Variants in LCN2 observed in about 807,000 individuals in gnomAD.
LCN2 encodes neutrophil gelatinase-associated lipocalin.
LCN2 carries 27 observed loss-of-function variants against 26.4 expected under a neutral mutation model. That is an observed-to-expected ratio of 1.02 (90% CI 0.76 to 1.41). The LOEUF (loss-of-function observed/expected upper bound fraction) is 1.41, where lower values mean the gene tolerates loss of function less well. Ranked by LOEUF, LCN2 falls within the 40% of genes most tolerant of loss-of-function variation. The probability of loss-of-function intolerance (pLI) is 0.00; values close to 1 mark genes in which losing one functional copy is unlikely to be tolerated. For missense variants in LCN2, 224 were observed against 237.6 expected (o/e 0.94, Z 0.38); for synonymous variants, 94 against 98.9 (o/e 0.95, Z 0.30).
At chr9:128,152,520 C>T (rs961946484) in intron 5 of LCN2, among the ~76,000 whole-genome samples, 5 of 152,176 alleles carry the variant, frequency 3.3e-5, no homozygotes, top group Admixed American at 1.3e-4. Context: ...CAGTTTAGCC[C>T]GGGTCTGCCC....
Position 128,149,782 on chromosome 9 carries a change from G to T in LCN2, c.138+119G>T, listed in dbSNP as rs1413143640. 3.2e-6 allele frequency: 4 copies of T among 1,254,806 alleles called. No individual in the cohort carries two copies. In the East Asian group the frequency reaches 7.3e-5, roughly 23 times the overall value. 77.7% of individuals were successfully genotyped at this position (1,254,806 alleles called of 1,614,324 possible). A position where few individuals can be genotyped will look rare whatever the true frequency, so the allele number is the denominator to read the frequency against. On this transcript the variant is annotated intron_variant, in intron 1 of 6. Transcript: ENST00000277480. ...CAGGACTCTAGGAGTCCAGGGTCCA[G>T]GTTTCAGCTCACTCTGTGCCACCAG...
chr9:128,150,562 G>A, intron 2 of LCN2, 188 bp downstream of exon 2: 1 of 768,250 alleles, frequency 1.3e-6, no homozygotes, highest in Non-Finnish European at 2.3e-6. Context: ...CAGTGGTGGG[G>A]ATGGACATGC....
Position 128,151,734 on chromosome 9 carries a change from G to C in LCN2, c.355+17G>C. The C allele has an allele frequency of 1.9e-6, 3 of 1,612,112 alleles. No individual in the cohort carries two copies. Among genetic ancestry groups the C allele is most frequent in the Non-Finnish European group, 2.5e-6 (3 of 1,178,218 alleles). ...ACATTAAGAGTGAGTCTTGAGTGAG[G>C]TGGGGCACTGAGTTGGGGCTCCGGG... On this transcript the variant is annotated intron_variant, in intron 3 of 6. Coordinates refer to ENST00000277480, the MANE Select transcript of LCN2 (RefSeq NM_005564.5).
Position 128,153,206 on chromosome 9 carries a change from C to T in LCN2, c.*7+80C>T. On this transcript the variant is annotated intron_variant, in intron 6 of 6. Transcript: ENST00000277480. The surrounding 1 kb of genome is among the most constrained non-coding windows in gnomAD (Gnocchi z 5.4). ...GCTGGGGGTCTTGGGCCTGCCTTTG[C>T]TCATCCCCCTGCCCCCCAGCACTGC... 2.6e-6 allele frequency: 4 copies of T among 1,531,256 alleles called. No homozygotes were observed. The East Asian group carries it at 6.7e-5, about 26-fold the overall frequency. The allele number at this position is 1,531,256 out of a possible 1,614,324, so 94.9% of individuals were successfully genotyped here. A position where few individuals can be genotyped will look rare whatever the true frequency, so the allele number is the denominator to read the frequency against.
At chr9:128,151,787 G>GT in intron 3 of LCN2, 70 bp downstream of exon 3, 1 of 1,587,396 alleles carries the variant, frequency 6.3e-7, no homozygotes, top group Non-Finnish European at 8.6e-7. Context: ...AGACCTTCCT[G>GT]CCCCTCCACA....
Position 128,153,210 on chromosome 9 carries a change from T to TC in LCN2, c.*7+89dup. 6.6e-7 allele frequency: 1 copy of TC among 1,512,020 alleles called. No homozygotes were observed. The highest frequency in any genetic ancestry group is 9.2e-7 in the Non-Finnish European group (1 of 1,090,854). The allele number at this position is 1,512,020 out of a possible 1,614,324, so 93.7% of individuals were successfully genotyped here. On this transcript the variant is annotated intron_variant, in intron 6 of 6. Coordinates refer to ENST00000277480, the MANE Select transcript of LCN2 (RefSeq NM_005564.5). This position sits in a 1 kb window ranked among gnomAD's most constrained non-coding sequence, Gnocchi z 5.4. The stretch of plus-strand genomic sequence containing the variant: ...GGGGTCTTGGGCCTGCCTTTGCTCA[T>TC]CCCCCTGCCCCCCAGCACTGCTGCT...
Position 128,149,883 on chromosome 9 carries a change from C to G in LCN2, c.138+220C>G, listed in dbSNP as rs543273197. Among the ~76,000 whole-genome samples the G allele has an allele frequency of 1.1e-4, 16 of 149,140 alleles. 1 individual carries two copies. Among genetic ancestry groups the G allele is most frequent in the Admixed American group, 8.7e-4 (13 of 14,868 alleles). ...GCCTGAACAGACTCCCCCAGGTCCA[C>G]ATCCCCTCTCCCATAACCCCCATTG... is the stretch of plus-strand genomic sequence containing the variant. On this transcript the variant is annotated intron_variant, in intron 1 of 6. Coordinates refer to ENST00000277480, the MANE Select transcript of LCN2 (RefSeq NM_005564.5).
rs775202523 is a variant in LCN2, at chr9:128,150,400, G to A, written c.275+26G>A. ...GTGAGGGCCGACATCTCCTGGGGGTGTGAGAGTCAGACTGACGTCACAGGC... is the reference window on the plus strand; with the variant it reads ...GTGAGGGCCGACATCTCCTGGGGGTATGAGAGTCAGACTGACGTCACAGGC... On this transcript the variant is annotated intron_variant, in intron 2 of 6. Coordinates refer to ENST00000277480, the MANE Select transcript of LCN2 (RefSeq NM_005564.5). 3.7e-6 allele frequency: 6 copies of A among 1,614,080 alleles called. No individual in the cohort carries two copies. The Admixed American group carries it at 8.3e-5, about 22-fold the overall frequency.
At position 128,153,039 on chromosome 9, in the gene LCN2, C is replaced by T. The variant is rs992526084; in HGVS notation, c.578-61C>T. ...ACCTGGCAGTCAGGGATCACACACA[C>T]ACACTCATACACGCACACACACACA... On this transcript the variant is annotated intron_variant, in intron 5 of 6. Transcript: ENST00000277480. This position sits in a 1 kb window ranked among gnomAD's most constrained non-coding sequence, Gnocchi z 5.4. The T allele has an allele frequency of 1.9e-6, 3 of 1,612,476 alleles. No homozygotes were observed. The African/African-American group carries it at 4.0e-5, about 22-fold the overall frequency.
rs558657039 is a variant in LCN2 at position 128,149,775 on chromosome 9, G to T, written c.138+112G>T. 5.6e-5 allele frequency: 76 copies of T among 1,357,424 alleles called. 1 individual carries two copies. In the African/African-American group the frequency reaches 8.1e-4, roughly 14 times the overall value. The allele number at this position is 1,357,424 out of a possible 1,614,324, so 84.1% of individuals were successfully genotyped here. ...CGTTGGGCAGGACTCTAGGAGTCCAGGGTCCAGGTTTCAGCTCACTCTGTG... is the reference window on the plus strand; with the variant it reads ...CGTTGGGCAGGACTCTAGGAGTCCATGGTCCAGGTTTCAGCTCACTCTGTG... On this transcript the variant is annotated intron_variant, in intron 1 of 6. Transcript: ENST00000277480.
In LCN2 at chr9:128,151,425, A is replaced by T. The variant is rs534693170; in HGVS notation, c.276-213A>T. The T allele has an allele frequency of 2.3e-5, 14 of 615,232 alleles. No individual in the cohort carries two copies. In the African/African-American group the frequency reaches 2.4e-4, roughly 11 times the overall value. 38.1% of individuals were successfully genotyped at this position (615,232 alleles called of 1,614,324 possible). ...GTCCAGGGGCCCCAGGCAGGCCAGG[A>T]GGGACAGCCTGGTGTCAGCTCAGGG... On this transcript the variant is annotated intron_variant, in intron 2 of 6. Transcript: ENST00000277480.
chr9:128,153,174 G>A lies in LCN2; in HGVS notation c.*7+48G>A, dbSNP rs1476374883. The A allele has an allele frequency of 1.1e-5, 18 of 1,611,492 alleles. No individual in the cohort carries two copies. The highest frequency in any genetic ancestry group is 1.5e-5 in the Non-Finnish European group (18 of 1,178,320). ...GAGGGGGCTTGTGGGAGGCCAGGGT[G>A]CAGTGGGCTGGGGGTCTTGGGCCTG... On this transcript the variant is annotated intron_variant, in intron 6 of 6. Transcript: ENST00000277480. The surrounding 1 kb of genome is among the most constrained non-coding windows in gnomAD (Gnocchi z 5.4).
rs138686323 is a variant in LCN2, at chr9:128,150,686, G to T, written c.275+312G>T. The T allele has an allele frequency of 8.0e-4, 439 of 548,618 alleles. 1 individual carries two copies. The highest frequency in any genetic ancestry group is 7.0e-3 in the African/African-American group (374 of 53,492). 34.0% of individuals were successfully genotyped at this position (548,618 alleles called of 1,614,324 possible). A position where few individuals can be genotyped will look rare whatever the true frequency, so the allele number is the denominator to read the frequency against. ...GCCTTCATGGAAGGCTTCCAGGGAGGTGGCCTTAAAAGAGCCAACCTGCTT... is the reference window on the plus strand; with the variant it reads ...GCCTTCATGGAAGGCTTCCAGGGAGTTGGCCTTAAAAGAGCCAACCTGCTT... On this transcript the variant is annotated intron_variant, in intron 2 of 6. Transcript: ENST00000277480.
Position 128,153,140 on chromosome 9 carries a change from G to C in LCN2, c.*7+14G>C. On this transcript the variant is annotated intron_variant, in intron 6 of 6. Transcript: ENST00000277480. This position sits in a 1 kb window ranked among gnomAD's most constrained non-coding sequence, Gnocchi z 5.4. ...GCTGAGTGCACAGTGAGTGTGGCTG[G>C]GCGGCTGCGAGGGGGCTTGTGGGAG... 4 of 1,614,018 alleles carry C rather than the reference G, an allele frequency of 2.5e-6. No individual in the cohort carries two copies. The highest frequency in any genetic ancestry group is 3.4e-6 in the Non-Finnish European group (4 of 1,179,976).
chr9:128,153,046 A>G lies in LCN2; in HGVS notation c.578-54A>G. ...AGTCAGGGATCACACACACACACTC[A>G]TACACGCACACACACACACAGCTGC... On this transcript the variant is annotated intron_variant, in intron 5 of 6. Coordinates refer to ENST00000277480, the MANE Select transcript of LCN2 (RefSeq NM_005564.5). The surrounding 1 kb of genome is among the most constrained non-coding windows in gnomAD (Gnocchi z 5.4). The G allele has an allele frequency of 6.2e-7, 1 of 1,613,122 alleles. No homozygotes were observed. Among genetic ancestry groups the G allele is most frequent in the Non-Finnish European group, 8.5e-7 (1 of 1,179,534 alleles).
At chr9:128,152,124 C>T (rs549270913) in intron 4 of LCN2, 59 bp from the exon 5 acceptor site, 1 of 1,608,148 alleles carries the variant, frequency 6.2e-7, no homozygotes, top group South Asian at 1.1e-5. Flanking sequence ...GCCTCATCTA[C>T]TCATTCAACG....
intron 5 of LCN2, 46 bp downstream of exon 5, chr9:128,152,330 A>C: frequency 4.6e-6 from 7 of 1,527,540 alleles, no homozygotes; most frequent in African/African-American, 1.4e-5. Flanking sequence ...GGGACTGTTC[A>C]GGCAGGATGC....
rs145071103 is a variant in LCN2 at position 128,151,981 on chromosome 9, A to G, written c.431A>G (p.Lys144Arg). 21 of 1,614,152 alleles carry G rather than the reference A, an allele frequency of 1.3e-5. No homozygotes were observed. Among genetic ancestry groups the G allele is most frequent in the Non-Finnish European group, 1.3e-5 (15 of 1,180,004 alleles). Residue 144 changes from lysine (K) to arginine (R), a missense_variant, in exon 4 of 7, where the codon AAG becomes AGG. Transcript: ENST00000277480. ...AACCAGCATGCTATGGTGTTCTTCA[A>G]GAAAGTTTCTCAAAACAGGGAGTAC... ...NYNQHAMVFF[K>R]KVSQNREYFK...
rs369682735 is a variant in LCN2, at chr9:128,152,521, G to A, written c.577+237G>A. On this transcript the variant is annotated intron_variant, in intron 5 of 6. Transcript: ENST00000277480. Reference sequence around the variant, plus strand: ...GTGCTCTTTCCTGGCAGTTTAGCCCGGGTCTGCCCAGACAAGGATTTCAGG... The same window carrying A: ...GTGCTCTTTCCTGGCAGTTTAGCCCAGGTCTGCCCAGACAAGGATTTCAGG... 1.3e-4 allele frequency among the ~76,000 whole-genome samples: 20 copies of A among 152,280 alleles called. No individual in the cohort carries two copies. The East Asian group carries it at 2.7e-3, about 21-fold the overall frequency.
Sources: gnomAD v4.1 joint callset for allele counts (sites outside exome capture counted in the v4.1 genomes callset) on GRCh38, gnomAD v4.1.1 for gene constraint, Gnocchi (gnomAD v3.1) non-coding constraint, MANE v1.5 for transcripts, NCBI Gene and HGNC (gene_info 2026-07-23, HGNC 2026-07-21) for gene names.